GRIP1: variants seen among roughly 807,000 people sequenced by gnomAD.
GRIP1 encodes the protein glutamate receptor interacting protein 1.
GRIP1 carries 45 observed loss-of-function variants against 129.9 expected under a neutral mutation model. The ratio of observed to expected loss-of-function variants is 0.35; its 90% CI spans 0.27 to 0.44. The LOEUF (loss-of-function observed/expected upper bound fraction) is 0.44, where lower values mean the gene tolerates loss of function less well. Among genes scored for constraint, GRIP1 ranks in the 20% least tolerant of loss-of-function variants. The pLI is 1.00. For synonymous variants in GRIP1, 530 were observed against 520.8 expected, an observed-to-expected ratio of 1.02 and a Z score of -0.24; for missense variants, 1,196 against 1,396.8, an observed-to-expected ratio of 0.86 and a Z score of 2.29.
intron 1 of GRIP1, among the ~76,000 whole-genome samples, chr12:66,945,461 G>T (rs1314019304): frequency 6.6e-6 from 1 of 152,110 alleles, no homozygotes; most frequent in African/African-American, 2.4e-5. Context: ...AGGAAGCATG[G>T]TGCTGCCACC....
At chr12:66,846,305 G>A (rs557473481) in intron 1 of GRIP1, among the ~76,000 whole-genome samples, 1 of 152,238 alleles carries the variant, frequency 6.6e-6, no homozygotes, top group South Asian at 2.1e-4. Flanking sequence ...GCTCCGAATT[G>A]AAATTATCCC....
At chr12:66,484,644 A>G (rs1224132558) in intron 7 of GRIP1, among the ~76,000 whole-genome samples, 1 of 152,114 alleles carries the variant, frequency 6.6e-6, no homozygotes, top group Non-Finnish European at 1.5e-5. Context: ...GTGGAGGTAG[A>G]GAGTAGAATG....
chr12:67,066,906 A>ATATATG (rs2135909334), intron 1 of GRIP1, among the ~76,000 whole-genome samples: 1 of 143,656 alleles, frequency 7.0e-6, no homozygotes, highest in African/African-American at 2.6e-5. Flanking sequence ...ATATATATAT[A>ATATATG]TATATACACA....
intron 2 of GRIP1, among the ~76,000 whole-genome samples, chr12:66,580,247 C>A (rs1244397278): frequency 6.7e-6 from 1 of 149,768 alleles, no homozygotes; most frequent in African/African-American, 2.5e-5. Flanking sequence ...TAAAAGAGCT[C>A]CTGAAGGAAG....
chr12:66,874,730 T>C (rs2040354971), intron 1 of GRIP1, among the ~76,000 whole-genome samples: 1 of 152,006 alleles, frequency 6.6e-6, no homozygotes, highest in Admixed American at 6.6e-5. Context: ...AGATTAGCAC[T>C]GAGATGGTGC....
At chr12:66,628,301 T>C (rs1261650700) in intron 1 of GRIP1, among the ~76,000 whole-genome samples, 5 of 151,748 alleles carry the variant, frequency 3.3e-5, no homozygotes, top group Non-Finnish European at 7.3e-5. Flanking sequence ...ACATTATGCC[T>C]TCAATAAAAA....
chr12:66,773,877 G>T (rs1346357430), intron 1 of GRIP1, among the ~76,000 whole-genome samples: 2 of 152,036 alleles, frequency 1.3e-5, no homozygotes, highest in Non-Finnish European at 2.9e-5. Flanking sequence ...ATACTATGAG[G>T]CAGCTCTTAG....
chr12:66,838,543 C>G (rs1020372132), intron 1 of GRIP1, among the ~76,000 whole-genome samples: 1 of 152,088 alleles, frequency 6.6e-6, no homozygotes, highest in African/African-American at 2.4e-5. Flanking sequence ...CGCTCATTCA[C>G]GCATGTGAAC....
chr12:66,408,827 A>G (rs2057289113), intron 15 of GRIP1, among the ~76,000 whole-genome samples: 1 of 152,148 alleles, frequency 6.6e-6, no homozygotes, highest in African/African-American at 2.4e-5. Context: ...CGGCCCTGGC[A>G]GCATTCGCCA....
chr12:67,004,378 T>A (rs1157888144), intron 1 of GRIP1, among the ~76,000 whole-genome samples: 1 of 152,130 alleles, frequency 6.6e-6, no homozygotes, highest in African/African-American at 2.4e-5. Context: ...ACTTGGTAGG[T>A]GAAGGATTTG....
chr12:67,043,394 C>T (rs1486616727), intron 1 of GRIP1, among the ~76,000 whole-genome samples: 1 of 152,146 alleles, frequency 6.6e-6, no homozygotes, highest in African/African-American at 2.4e-5. Context: ...CCTCAAATAT[C>T]ATTTTTCTTC....
chr12:66,603,114 A>G (rs2064355130), intron 1 of GRIP1, among the ~76,000 whole-genome samples: 1 of 151,448 alleles, frequency 6.6e-6, no homozygotes, highest in African/African-American at 2.4e-5. Flanking sequence ...CTCCCACCTC[A>G]GTCTTCCATA....
At position 66,756,482 on chromosome 12, in the gene GRIP1, G is replaced by T. The variant is rs2136645131; in HGVS notation, c.-420+47571C>A. On this transcript the variant is annotated intron_variant, in intron 1 of 4. Transcript: ENST00000538373. ...TCTCCTGAAAATAGATCCTTGACTT[G>T]GATATTAAAACTAGTCTAAAACTTG... is the stretch of plus-strand genomic sequence containing the variant. Among the ~76,000 whole-genome samples the T allele has an allele frequency of 1.3e-5, 2 of 152,192 alleles. 1 individual carries two copies. The highest frequency in any genetic ancestry group is 4.1e-4 in the South Asian group (2 of 4,820).
intron 1 of GRIP1, among the ~76,000 whole-genome samples, chr12:66,875,075 C>A (rs1477332799): frequency 6.6e-6 from 1 of 151,914 alleles, no homozygotes; most frequent in Non-Finnish European, 1.5e-5. Flanking sequence ...GTGCCTCATA[C>A]AATGTAGGCA....
At chr12:66,417,006 A>C (rs903494269) in intron 15 of GRIP1, among the ~76,000 whole-genome samples, 2 of 152,004 alleles carry the variant, frequency 1.3e-5, no homozygotes, top group Admixed American at 6.6e-5. Context: ...TATGGGCCAA[A>C]AACCTCTAAC....
chr12:66,892,957 C>A (rs148006872), intron 1 of GRIP1, among the ~76,000 whole-genome samples: 1 of 152,106 alleles, frequency 6.6e-6, no homozygotes, highest in Non-Finnish European at 1.5e-5. Context: ...TAGAGCAAGA[C>A]GCTGCCTCAT....
chr12:66,862,941 C>T (rs576726460), intron 1 of GRIP1, among the ~76,000 whole-genome samples: 59 of 152,034 alleles, frequency 3.9e-4, no homozygotes, highest in Admixed American at 3.5e-3. Context: ...AATGATGAAA[C>T]TTAAAATATG....
At chr12:66,588,404 G>C (rs755597184) in intron 2 of GRIP1, among the ~76,000 whole-genome samples, 4 of 152,118 alleles carry the variant, frequency 2.6e-5, no homozygotes, top group Non-Finnish European at 4.4e-5. Context: ...TGAGGACTGA[G>C]ATGGATGGAG....
chr12:66,771,986 A>T (rs2037833078), intron 1 of GRIP1, among the ~76,000 whole-genome samples: 1 of 152,236 alleles, frequency 6.6e-6, no homozygotes, highest in African/African-American at 2.4e-5. Context: ...AAATATGGTG[A>T]TAATAAAGGC....
Sources: allele counts gnomAD v4.1 joint callset (sites outside exome capture counted in the v4.1 genomes callset), GRCh38; gene constraint gnomAD v4.1.1; transcripts MANE v1.5; gene names NCBI Gene and HGNC (gene_info 2026-07-23, HGNC 2026-07-21).